MEIOB: variants seen among roughly 807,000 people sequenced by gnomAD.
MEIOB encodes the protein meiosis-specific with OB domain-containing protein.
MEIOB carries 50 observed loss-of-function variants against 53.1 expected under a neutral mutation model. The ratio of observed to expected loss-of-function variants is 0.94; its 90% CI spans 0.75 to 1.19. The LOEUF is 1.19. MEIOB is among the 50% of genes most tolerant of loss of function. MEIOB has a pLI of 0.00. For missense variants in MEIOB, 551 were observed against 550.8 expected (o/e 1.00, Z 0.00); for synonymous variants, 192 against 182.5 (o/e 1.05, Z -0.42).
At chr16:1,866,497 G>T (rs1320070247) in intron 2 of MEIOB, among the ~76,000 whole-genome samples, 1 of 152,034 alleles carries the variant, frequency 6.6e-6, no homozygotes, top group Non-Finnish European at 1.5e-5. Flanking sequence ...GAGGCGGGTG[G>T]GTCACCTGAG....
chr16:1,859,990 G>A (rs1027795980), intron 5 of MEIOB, among the ~76,000 whole-genome samples: 2 of 152,164 alleles, frequency 1.3e-5, no homozygotes, highest in Non-Finnish European at 2.9e-5. Flanking sequence ...GTTCCCCTGA[G>A]AGCTCACCCT....
chr16:1,844,122 CT>C (rs755682782), intron 10 of MEIOB, among the ~76,000 whole-genome samples: 21,311 of 129,142 alleles, frequency 0.17, 1,142 homozygotes, highest in South Asian at 0.25. Context: ...TATTATGTTT[CT>C]TTTTTTTTTT....
intron 11 of MEIOB, among the ~76,000 whole-genome samples, chr16:1,840,488 G>A (rs1224090652): frequency 6.6e-6 from 1 of 151,956 alleles, no homozygotes; most frequent in East Asian, 1.9e-4. Flanking sequence ...ACTATCACTT[G>A]CAAAATGGTA....
chr16:1,842,933 A>AT (rs1180112925), intron 10 of MEIOB, among the ~76,000 whole-genome samples: 3 of 147,844 alleles, frequency 2.0e-5, no homozygotes. Context: ...AAGTGCTGGG[A>AT]TTACAGGCGT....
intron 4 of MEIOB, among the ~76,000 whole-genome samples, chr16:1,861,416 A>C (rs366680): frequency 0.83 from 125,422 of 151,944 alleles, 51,892 homozygotes; most frequent in Middle Eastern, 0.9. Flanking sequence ...TATAACAATA[A>C]AATGGGTTGG....
At chr16:1,835,751 T>G (rs1044257442) in intron 13 of MEIOB, among the ~76,000 whole-genome samples, 3 of 152,174 alleles carry the variant, frequency 2.0e-5, no homozygotes, top group Non-Finnish European at 4.4e-5. Flanking sequence ...TCTGTCTGAG[T>G]GAAGATGCAC....
In MEIOB at chr16:1,869,573, G is replaced by T. The variant is rs557159124; in HGVS notation, c.-9-1389C>A. Among the ~76,000 whole-genome samples, 63 of 150,202 alleles carry T rather than the reference G, an allele frequency of 4.2e-4. No homozygotes were observed. The East Asian group carries it at 6.2e-3, about 15-fold the overall frequency. On this transcript the variant is annotated intron_variant, in intron 1 of 13. Coordinates refer to ENST00000325962, the MANE Select transcript of MEIOB (RefSeq NM_001163560.3). ...CGCCATTCTCCCACCTCAGCCTCCCGAGTAGCTGGGATTACAGGCACCTGC... is the reference window on the plus strand; with the variant it reads ...CGCCATTCTCCCACCTCAGCCTCCCTAGTAGCTGGGATTACAGGCACCTGC...
In MEIOB at chr16:1,854,194, C is replaced by T; in HGVS notation, c.535G>A (p.Glu179Lys). 1 of 1,537,282 alleles carries T rather than the reference C, an allele frequency of 6.5e-7. No individual in the cohort carries two copies. Among genetic ancestry groups the T allele is most frequent in the South Asian group, 1.2e-5 (1 of 83,470 alleles). ...NVLAAVKSVG[E>K]PKYFTTSDRR... Reference sequence around the variant, plus strand: ...TCTGAAGTTGTAAAGTATTTTGGCTCTCCAACCTTAGAAATGGAAATAAAT... The same window carrying T: ...TCTGAAGTTGTAAAGTATTTTGGCTTTCCAACCTTAGAAATGGAAATAAAT... Residue 179 changes from glutamate to lysine, a missense_variant, in exon 7 of 14, where the codon GAG becomes AAG. Physicochemically the swap from Glu to Lys is moderately conservative, Grantham distance 56. Transcript: ENST00000325962.
At chr16:1,850,020 C>G (rs2142086566) in intron 9 of MEIOB, among the ~76,000 whole-genome samples, 1 of 152,222 alleles carries the variant, frequency 6.6e-6, no homozygotes, top group African/African-American at 2.4e-5. Flanking sequence ...AAAAATGTGT[C>G]TCCTTGAGAA....
chr16:1,871,124 T>G (rs1331192134), intron 1 of MEIOB, among the ~76,000 whole-genome samples: 2 of 152,124 alleles, frequency 1.3e-5, no homozygotes, highest in African/African-American at 4.8e-5. Flanking sequence ...CCTGGTCACT[T>G]TAACAGATAC....
Position 1,853,139 on chromosome 16 carries a change from T to G in MEIOB, c.683-5A>C. The G allele has an allele frequency of 6.2e-7, 1 of 1,606,830 alleles. No homozygotes were observed. Among genetic ancestry groups the G allele is most frequent in the Non-Finnish European group, 8.5e-7 (1 of 1,174,862 alleles). On this transcript the variant is annotated splice_region_variant and splice_polypyrimidine_tract_variant and intron_variant, in intron 8 of 13. Coordinates refer to ENST00000325962, the MANE Select transcript of MEIOB (RefSeq NM_001163560.3). ...TTACATCTGAGGCAAATATTACTGT[T>G]TGGGAAAAAAGCCATTTAAAATTAT...
chr16:1,869,889 T>TTTTTTTTTA (rs1899695888), intron 1 of MEIOB, among the ~76,000 whole-genome samples: 2 of 151,534 alleles, frequency 1.3e-5, no homozygotes, highest in Non-Finnish European at 2.9e-5. Context: ...TTTTTTTTTT[T>TTTTTTTTTA]GAGACGGAGT....
intron 3 of MEIOB, 133 bp downstream of exon 3, chr16:1,865,645 T>C (rs1899575252): frequency 1.6e-6 from 1 of 637,978 alleles, no homozygotes; most frequent in Non-Finnish European, 2.7e-6. Flanking sequence ...TACTTGACCA[T>C]CCAATAGAGA....
rs1263005519 is a variant in MEIOB at position 1,854,216 on chromosome 16, A to C, written c.529-16T>G. The C allele has an allele frequency of 5.7e-6, 8 of 1,400,528 alleles. No homozygotes were observed. The highest frequency in any genetic ancestry group is 1.4e-5 in the African/African-American group (1 of 69,904). 86.8% of individuals were successfully genotyped at this position (1,400,528 alleles called of 1,614,324 possible). ...GCTCTCCAACCTTAGAAATGGAAAT[A>C]AATCATTACTCTTCACCTATATGTA... On this transcript the variant is annotated splice_polypyrimidine_tract_variant and intron_variant, in intron 6 of 13. Transcript: ENST00000325962.
At chr16:1,852,302 C>T (rs1196054119) in intron 9 of MEIOB, among the ~76,000 whole-genome samples, 4 of 134,928 alleles carry the variant, frequency 3.0e-5, no homozygotes, top group Admixed American at 8.4e-5. Context: ...CTCGCTCTGT[C>T]GCCAGGCTGG....
At chr16:1,844,694 G>A (rs913758521) in intron 10 of MEIOB, among the ~76,000 whole-genome samples, 168 bp downstream of exon 10, 3 of 152,050 alleles carry the variant, frequency 2.0e-5, no homozygotes, top group Admixed American at 2.0e-4. Flanking sequence ...GAACTCCTGG[G>A]CTCAAAAGAA....
intron 3 of MEIOB, among the ~76,000 whole-genome samples, chr16:1,864,466 C>G (rs1349642064): frequency 6.6e-6 from 1 of 150,800 alleles, no homozygotes; most frequent in African/African-American, 2.4e-5. Context: ...AGGTGAAAAA[C>G]TGTGAATTTC....
intron 12 of MEIOB, among the ~76,000 whole-genome samples, chr16:1,838,696 T>G (rs1186560930): frequency 6.6e-6 from 1 of 152,190 alleles, no homozygotes; most frequent in Non-Finnish European, 1.5e-5. Context: ...GTTTTGTTTT[T>G]TTTTTAATTA....
intron 4 of MEIOB, among the ~76,000 whole-genome samples, chr16:1,861,489 A>G (rs1030424224): frequency 2.0e-5 from 3 of 151,408 alleles, no homozygotes; most frequent in Admixed American, 1.3e-4. Flanking sequence ...TATAACTATC[A>G]CATTTGTATG....
Sources: gnomAD v4.1 joint callset for allele counts (sites outside exome capture counted in the v4.1 genomes callset) on GRCh38, gnomAD v4.1.1 for gene constraint, MANE v1.5 for transcripts, NCBI Gene and HGNC (gene_info 2026-07-23, HGNC 2026-07-21) for gene names.